FBXL17: variants seen among roughly 807,000 people sequenced by gnomAD.
FBXL17 encodes the protein F-box/LRR-repeat protein 17.
Under a neutral mutation model 66.2 loss-of-function variants are expected in FBXL17, and 22 were observed. The observed-to-expected ratio is 0.33, with a 90% CI of 0.24 to 0.47. The LOEUF (loss-of-function observed/expected upper bound fraction) is 0.47, where lower values mean the gene tolerates loss of function less well. Among genes scored for constraint, FBXL17 ranks in the 20% least tolerant of loss-of-function variants. The probability of loss-of-function intolerance (pLI) is 1.00; values close to 1 mark genes in which losing one functional copy is unlikely to be tolerated. For missense variants in FBXL17, 878 were observed against 948.2 expected, an observed-to-expected ratio of 0.93 and a Z score of 0.97; for synonymous variants, 474 against 400.5, an observed-to-expected ratio of 1.18 and a Z score of -2.19.
chr5:108,047,776 G>A (rs776542873), intron 6 of FBXL17, among the ~76,000 whole-genome samples: 3 of 152,152 alleles, frequency 2.0e-5, no homozygotes, highest in Non-Finnish European at 4.4e-5. Context: ...AGAGGCTCAG[G>A]GACAGAACCT....
chr5:108,339,144 A>G (rs1019763250), intron 4 of FBXL17, among the ~76,000 whole-genome samples: 1 of 152,206 alleles, frequency 6.6e-6, no homozygotes, highest in African/African-American at 2.4e-5. Context: ...AGAAAGAAAG[A>G]AAAAAAGCTA....
At chr5:108,038,173 G>A (rs955794708) in intron 6 of FBXL17, among the ~76,000 whole-genome samples, 8 of 152,024 alleles carry the variant, frequency 5.3e-5, no homozygotes, top group Non-Finnish European at 1.5e-5. Context: ...ACCTAACTTG[G>A]ATCCTAATTT....
At chr5:108,232,780 C>CATATATATATATATATATATATAT (rs758322541) in intron 4 of FBXL17, among the ~76,000 whole-genome samples, 1 of 32,682 alleles carries the variant, frequency 3.1e-5, no homozygotes, top group Non-Finnish European at 6.0e-5. Context: ...AATAAGCTCT[C>CATATATATATATATATATATATAT]ACATATATAT....
intron 4 of FBXL17, among the ~76,000 whole-genome samples, chr5:108,260,611 G>A (rs116396471): frequency 0.013 from 2,039 of 152,118 alleles, 55 homozygotes; most frequent in African/African-American, 0.047. Context: ...CTCCCAGACC[G>A]ATCATTCCAA....
chr5:108,045,064 G>C (rs1747201488), intron 6 of FBXL17, among the ~76,000 whole-genome samples: 1 of 151,976 alleles, frequency 6.6e-6, no homozygotes, highest in Non-Finnish European at 1.5e-5. Flanking sequence ...CAATTTTATT[G>C]ATCTTTTCAA....
chr5:108,373,261 AATATAAT>A (rs1749169580), intron 1 of FBXL17, among the ~76,000 whole-genome samples: 1 of 145,586 alleles, frequency 6.9e-6, no homozygotes, highest in Non-Finnish European at 1.5e-5. Flanking sequence ...TATTAATATA[AATATAAT>A]ATATATCTAA....
At chr5:108,013,533 A>G (rs1754262836) in intron 7 of FBXL17, among the ~76,000 whole-genome samples, 1 of 151,990 alleles carries the variant, frequency 6.6e-6, no homozygotes, top group South Asian at 2.1e-4. Flanking sequence ...TTCCCCAAAT[A>G]TTGCAGTCTA....
chr5:107,889,883 G>C (rs1383501929), intron 7 of FBXL17, among the ~76,000 whole-genome samples: 2 of 152,126 alleles, frequency 1.3e-5, no homozygotes, highest in Admixed American at 1.3e-4. Flanking sequence ...TTCCAAAAAT[G>C]TCAAAAACAA....
intron 4 of FBXL17, among the ~76,000 whole-genome samples, chr5:108,261,018 TATGA>T (rs1756797592): frequency 6.6e-6 from 1 of 152,056 alleles, no homozygotes; most frequent in Admixed American, 6.6e-5. Context: ...CAATGTGAAG[TATGA>T]ATAAGAAATC....
At chr5:108,255,300 T>C (rs558979993) in intron 4 of FBXL17, among the ~76,000 whole-genome samples, 38 of 152,052 alleles carry the variant, frequency 2.5e-4, no homozygotes, top group Admixed American at 1.0e-3. Flanking sequence ...ACATACACCG[T>C]AACATGGATT....
In FBXL17 at chr5:108,264,105, C is replaced by T. The variant is rs141420601; in HGVS notation, c.1507-39877G>A. Among the ~76,000 whole-genome samples the T allele has an allele frequency of 3.8e-3, 570 of 149,156 alleles. 5 individuals carry two copies. Among genetic ancestry groups the T allele is most frequent in the African/African-American group, 0.014 (549 of 40,484 alleles). On this transcript the variant is annotated intron_variant, in intron 4 of 8. Transcript: ENST00000542267. ...TGACACACAACTGTAGTCCTAGCTACTCAGGAAGCTGGGGGAGGAGAACTG... is the reference window on the plus strand; with the variant it reads ...TGACACACAACTGTAGTCCTAGCTATTCAGGAAGCTGGGGGAGGAGAACTG...
intron 5 of FBXL17, among the ~76,000 whole-genome samples, chr5:108,217,046 A>G (rs1419498360): frequency 6.6e-6 from 1 of 152,120 alleles, no homozygotes; most frequent in Non-Finnish European, 1.5e-5. Context: ...TTTGGACTGT[A>G]AGTCTGGCCT....
intron 4 of FBXL17, among the ~76,000 whole-genome samples, chr5:108,305,552 T>C (rs1420018161): frequency 6.6e-6 from 1 of 151,944 alleles, no homozygotes. Context: ...TCAACTATAC[T>C]AAAGAGTGTG....
At chr5:107,979,980 A>C (rs1325999166) in intron 7 of FBXL17, among the ~76,000 whole-genome samples, 3 of 152,210 alleles carry the variant, frequency 2.0e-5, no homozygotes, top group African/African-American at 7.2e-5. Flanking sequence ...GCTCTGACAA[A>C]TCTTTAAATT....
At chr5:108,019,711 T>C (rs1273249763) in intron 7 of FBXL17, among the ~76,000 whole-genome samples, 1 of 151,892 alleles carries the variant, frequency 6.6e-6, no homozygotes, top group East Asian at 1.9e-4. Flanking sequence ...CAGGGAGAAC[T>C]CTTTAGGGTC....
chr5:107,865,050 A>T lies in FBXL17; in HGVS notation c.1966-3190T>A, dbSNP rs190685262. 2.6e-5 allele frequency among the ~76,000 whole-genome samples: 4 copies of T among 152,354 alleles called. No homozygotes were observed. The East Asian group carries it at 7.7e-4, about 29-fold the overall frequency. ...GGAAAATCTGCATCACATTGCAAAG[A>T]AGTAAATGTAGTCCAAGCCACTTGG... On this transcript the variant is annotated intron_variant, in intron 8 of 8. Transcript: ENST00000542267.
chr5:108,377,515 C>T (rs1005134084), intron 1 of FBXL17, among the ~76,000 whole-genome samples: 3 of 152,252 alleles, frequency 2.0e-5, no homozygotes, highest in Non-Finnish European at 4.4e-5. Flanking sequence ...GCCAAAAGTG[C>T]TGGGACAGGA....
At chr5:108,307,259 A>G (rs2150190382) in intron 4 of FBXL17, among the ~76,000 whole-genome samples, 1 of 152,224 alleles carries the variant, frequency 6.6e-6, no homozygotes, top group Non-Finnish European at 1.5e-5. Context: ...ACCTTTAGTT[A>G]TCCAGTCTAG....
chr5:108,354,398 A>G (rs1289186674), intron 3 of FBXL17, among the ~76,000 whole-genome samples: 1 of 152,158 alleles, frequency 6.6e-6, no homozygotes, highest in Admixed American at 6.5e-5. Context: ...TTAAGGAAAA[A>G]GTCTGAGTTT....
Sources: allele counts gnomAD v4.1 joint callset (sites outside exome capture counted in the v4.1 genomes callset), GRCh38; gene constraint gnomAD v4.1.1; transcripts MANE v1.5; gene names NCBI Gene and HGNC (gene_info 2026-07-23, HGNC 2026-07-21).